STK3: variants seen among roughly 807,000 people sequenced by gnomAD.
STK3 encodes the protein serine/threonine kinase 3, also known as serine/threonine-protein kinase 3.
Under a neutral mutation model 58.0 loss-of-function variants are expected in STK3, and 41 were observed. That is an observed-to-expected ratio of 0.71 (90% confidence interval 0.55 to 0.92). The LOEUF is 0.92. Among genes scored for constraint, STK3 ranks in the 40% least tolerant of loss-of-function variants. The pLI is 0.00. For missense variants in STK3, 479 were observed against 602.7 expected (o/e 0.79, Z 2.15); for synonymous variants, 170 against 191.0 (o/e 0.89, Z 0.91).
chr8:98,460,412 T>C (rs1046627726), intron 10 of STK3, among the ~76,000 whole-genome samples: 1 of 152,214 alleles, frequency 6.6e-6, no homozygotes, highest in Admixed American at 6.5e-5. Flanking sequence ...TGGAAGGGAC[T>C]TGCCTTGTCT....
At chr8:98,451,895 A>C (rs905288772), downstream of STK3, among the ~76,000 whole-genome samples, 4 of 123,128 alleles carry the variant, frequency 3.2e-5, no homozygotes, top group African/African-American at 8.4e-5. Context: ...CAAAAAAAAA[A>C]AAACAAAAAA....
chr8:98,555,106 T>A (rs1241785467), intron 8 of STK3, among the ~76,000 whole-genome samples: 1 of 152,130 alleles, frequency 6.6e-6, no homozygotes, highest in Non-Finnish European at 1.5e-5. Flanking sequence ...ATCCAGTTTA[T>A]GAATCATAAA....
intron 3 of STK3, among the ~76,000 whole-genome samples, chr8:98,407,097 G>A (rs1441768658): frequency 6.6e-6 from 1 of 152,126 alleles, no homozygotes; most frequent in African/African-American, 2.4e-5. Flanking sequence ...GCCTGAGGAG[G>A]GATAAATAAG....
intron 6 of STK3, among the ~76,000 whole-genome samples, chr8:98,652,341 T>C (rs947244224): frequency 6.6e-6 from 1 of 152,036 alleles, no homozygotes; most frequent in Non-Finnish European, 1.5e-5. Flanking sequence ...GCACTAAACA[T>C]GGAAAGGAAC....
chr8:98,737,381 C>T (rs765585201), intron 4 of STK3, among the ~76,000 whole-genome samples: 6 of 151,992 alleles, frequency 3.9e-5, no homozygotes, highest in Non-Finnish European at 7.4e-5. Context: ...CAAGATAAAA[C>T]TCCTAAAAAG....
chr8:98,867,145 A>G (rs998381146), intron 3 of STK3, among the ~76,000 whole-genome samples: 1 of 152,196 alleles, frequency 6.6e-6, no homozygotes, highest in Non-Finnish European at 1.5e-5. Flanking sequence ...GGCCTGGCGC[A>G]GTGGTTCATG....
At position 98,466,617 on chromosome 8, in the gene STK3, G is replaced by T. The variant is rs192309304; in HGVS notation, c.1318-10617C>A. On this transcript the variant is annotated intron_variant, in intron 10 of 10. Coordinates refer to ENST00000419617, the MANE Select transcript of STK3 (RefSeq NM_006281.4). ...AGTGCTGGGAGCAGGAAGGAGACCG[G>T]ATGTTATTATGTAAATGGTGACTTG... Among the ~76,000 whole-genome samples the T allele has an allele frequency of 1.1e-4, 17 of 152,286 alleles. No homozygotes were observed. The East Asian group carries it at 2.1e-3, about 19-fold the overall frequency.
intron 1 of STK3, among the ~76,000 whole-genome samples, chr8:98,448,482 T>C (rs766898421): frequency 2.0e-5 from 3 of 152,164 alleles, no homozygotes; most frequent in Non-Finnish European, 2.9e-5. Flanking sequence ...TGTCATAGAA[T>C]AAGTGGAAAG....
chr8:98,592,521 T>C (rs1003966058), intron 7 of STK3, among the ~76,000 whole-genome samples: 14 of 152,044 alleles, frequency 9.2e-5, no homozygotes, highest in African/African-American at 3.1e-4. Flanking sequence ...ATAACTTCAG[T>C]TTTTTGTGTG....
Position 98,602,576 on chromosome 8 carries a change from C to T in STK3, c.685-6407G>A, listed in dbSNP as rs569261902. On this transcript the variant is annotated intron_variant, in intron 6 of 10. Coordinates refer to ENST00000419617, the MANE Select transcript of STK3 (RefSeq NM_006281.4). Reference sequence around the variant, plus strand: ...ATACAATCACTTAAGTTTTATATGTCAACTGCATTAGGCATAGTACTTCTC... The same window carrying T: ...ATACAATCACTTAAGTTTTATATGTTAACTGCATTAGGCATAGTACTTCTC... Among the ~76,000 whole-genome samples the T allele has an allele frequency of 1.2e-4, 18 of 152,260 alleles. No homozygotes were observed. The South Asian group carries it at 3.5e-3, about 30-fold the overall frequency.
At chr8:98,795,796 A>AAATACAATACAATACAATAC (rs58299814) in intron 1 of STK3, among the ~76,000 whole-genome samples, 10 of 138,110 alleles carry the variant, frequency 7.2e-5, no homozygotes, top group East Asian at 4.3e-4. Flanking sequence ...AATGGCCACA[A>AAATACAATACAATACAATAC]AATACAATAC....
intron 4 of STK3, among the ~76,000 whole-genome samples, chr8:98,708,029 C>G (rs1826087160): frequency 6.6e-6 from 1 of 151,816 alleles, no homozygotes; most frequent in African/African-American, 2.4e-5. Context: ...ATCCCAGCTA[C>G]TCAGGAGGCT....
At chr8:98,735,129 T>G (rs948543946) in intron 4 of STK3, among the ~76,000 whole-genome samples, 1 of 152,080 alleles carries the variant, frequency 6.6e-6, no homozygotes. Context: ...TTATAACTTA[T>G]CCACAAAAAT....
chr8:98,860,279 A>C (rs1042712233), intron 3 of STK3, among the ~76,000 whole-genome samples: 1 of 152,192 alleles, frequency 6.6e-6, no homozygotes. Context: ...GAGTGGCTGG[A>C]GGTTGGTGGT....
chr8:98,437,559 G>A (rs1402576150), intron 1 of STK3: 7 of 152,164 alleles, frequency 4.6e-5, no homozygotes, highest in Non-Finnish European at 2.9e-5. Context: ...TGTCGCCTAC[G>A]TCTCCAGACA....
intron 10 of STK3, among the ~76,000 whole-genome samples, chr8:98,466,701 C>G (rs1173260237): frequency 6.6e-6 from 1 of 152,162 alleles, no homozygotes; most frequent in Non-Finnish European, 1.5e-5. Flanking sequence ...GTGGTTTGTG[C>G]ACAGAAAGCG....
At chr8:98,720,528 A>T (rs976942854) in intron 4 of STK3, among the ~76,000 whole-genome samples, 6 of 152,140 alleles carry the variant, frequency 3.9e-5, no homozygotes, top group Admixed American at 3.9e-4. Context: ...AGGCAGGTGG[A>T]TCACAAGGTC....
chr8:98,867,284 C>T (rs1205417399), intron 3 of STK3, among the ~76,000 whole-genome samples: 10 of 152,182 alleles, frequency 6.6e-5, no homozygotes, highest in South Asian at 4.2e-4. Context: ...GGCGTGGTGG[C>T]GCATGCCTGT....
At chr8:98,894,307 A>C (rs1457398805) in intron 1 of STK3, among the ~76,000 whole-genome samples, 1 of 152,206 alleles carries the variant, frequency 6.6e-6, no homozygotes, top group Non-Finnish European at 1.5e-5. Flanking sequence ...CAATCAATTC[A>C]ACAAGCCCAA....
Sources: gnomAD v4.1 joint callset for allele counts (sites outside exome capture counted in the v4.1 genomes callset) on GRCh38, gnomAD v4.1.1 for gene constraint, MANE v1.5 for transcripts, NCBI Gene and HGNC (gene_info 2026-07-23, HGNC 2026-07-21) for gene names.